LRRTM4: variants seen among roughly 807,000 people sequenced by gnomAD.
LRRTM4 encodes leucine-rich repeat transmembrane neuronal protein 4.
LRRTM4 carries 25 observed loss-of-function variants against 47.6 expected under a neutral mutation model. That is an observed-to-expected ratio of 0.53 (90% CI 0.38 to 0.73). The LOEUF is 0.73. Among genes scored for constraint, LRRTM4 ranks in the 30% least tolerant of loss-of-function variants. The pLI is 0.00. For missense variants in LRRTM4, 638 were observed against 713.4 expected, an observed-to-expected ratio of 0.89 and a Z score of 1.20; for synonymous variants, 311 against 269.5, an observed-to-expected ratio of 1.15 and a Z score of -1.51.
intron 3 of LRRTM4, among the ~76,000 whole-genome samples, chr2:76,907,592 C>A (rs1269896585): frequency 3.6e-5 from 5 of 139,678 alleles, no homozygotes; most frequent in Non-Finnish European, 7.6e-5. Flanking sequence ...TGATAGACCA[C>A]TAGCAAGACT....
At chr2:77,211,982 A>C (rs2103924454) in intron 3 of LRRTM4, among the ~76,000 whole-genome samples, 1 of 152,230 alleles carries the variant, frequency 6.6e-6, no homozygotes, top group Non-Finnish European at 1.5e-5. Context: ...AAAAACAATG[A>C]GTAATATGTG....
intron 3 of LRRTM4, among the ~76,000 whole-genome samples, chr2:77,150,128 G>C (rs901223142): frequency 6.6e-6 from 1 of 151,600 alleles, no homozygotes; most frequent in African/African-American, 2.4e-5. Flanking sequence ...GCAGAGGTCG[G>C]TTGTTAGGTT....
In LRRTM4 at chr2:77,085,533, A is replaced by G. The variant is rs554195625; in HGVS notation, c.1552-336617T>C. Among the ~76,000 whole-genome samples, 87 of 152,214 alleles carry G rather than the reference A, an allele frequency of 5.7e-4. 1 individual carries two copies. Among genetic ancestry groups the G allele is most frequent in the African/African-American group, 2.0e-3 (85 of 41,570 alleles). ...CCTATTCTCTTTAAAACATGGAATC[A>G]CGTATTAAGAAGAGCAATGTGGCTT... On this transcript the variant is annotated intron_variant, in intron 3 of 3. Coordinates refer to ENST00000409884, the MANE Select transcript of LRRTM4 (RefSeq NM_001134745.3).
At chr2:76,974,177 TATATACATAC>T (rs1558771498) in intron 3 of LRRTM4, among the ~76,000 whole-genome samples, 2 of 137,582 alleles carry the variant, frequency 1.5e-5, no homozygotes, top group Admixed American at 1.5e-4. Context: ...TACATACATA[TATATACATAC>T]ATATATATAC....
At chr2:77,003,448 G>T (rs1186564510) in intron 3 of LRRTM4, among the ~76,000 whole-genome samples, 2 of 152,046 alleles carry the variant, frequency 1.3e-5, no homozygotes, top group South Asian at 2.1e-4. Context: ...ATGCAGATGG[G>T]TTTTTTCTCA....
chr2:77,346,765 A>C (rs1444340985), intron 3 of LRRTM4, among the ~76,000 whole-genome samples: 1 of 152,122 alleles, frequency 6.6e-6, no homozygotes, highest in Non-Finnish European at 1.5e-5. Flanking sequence ...ATAATATAAG[A>C]AGCCCTTGAA....
At chr2:77,329,895 G>T (rs1670906231) in intron 3 of LRRTM4, among the ~76,000 whole-genome samples, 2 of 152,186 alleles carry the variant, frequency 1.3e-5, no homozygotes, top group Non-Finnish European at 2.9e-5. Flanking sequence ...TACAGGGGTA[G>T]ACAAGAGTCC....
At chr2:77,014,516 A>G (rs1677988082) in intron 3 of LRRTM4, among the ~76,000 whole-genome samples, 1 of 150,956 alleles carries the variant, frequency 6.6e-6, no homozygotes, top group African/African-American at 2.4e-5. Context: ...ATATATATAT[A>G]TAAAGATTTT....
intron 3 of LRRTM4, among the ~76,000 whole-genome samples, chr2:76,951,947 C>T (rs1675512304): frequency 6.6e-6 from 1 of 151,932 alleles, no homozygotes; most frequent in Non-Finnish European, 1.5e-5. Flanking sequence ...CATGTCCTTG[C>T]AAAGGACATG....
At chr2:77,436,201 A>G (rs1343109419) in intron 3 of LRRTM4, among the ~76,000 whole-genome samples, 1 of 152,156 alleles carries the variant, frequency 6.6e-6, no homozygotes, top group South Asian at 2.1e-4. Context: ...AAAATGCCCA[A>G]AGCAATGACT....
chr2:76,841,188 C>T (rs1671665388), intron 3 of LRRTM4, among the ~76,000 whole-genome samples: 1 of 151,340 alleles, frequency 6.6e-6, no homozygotes, highest in Admixed American at 6.6e-5. Flanking sequence ...AAAAACCAAA[C>T]ACTGCATGTT....
chr2:76,903,708 G>C (rs1043795022), intron 3 of LRRTM4, among the ~76,000 whole-genome samples: 2 of 152,064 alleles, frequency 1.3e-5, no homozygotes, highest in Non-Finnish European at 2.9e-5. Flanking sequence ...AAATCAAAAG[G>C]AGAAACATCT....
intron 3 of LRRTM4, among the ~76,000 whole-genome samples, chr2:77,442,880 G>A (rs1675900418): frequency 1.3e-5 from 2 of 152,162 alleles, no homozygotes; most frequent in Non-Finnish European, 2.9e-5. Context: ...AACTCCAATG[G>A]AGAGGATATG....
rs199797071 is a variant in LRRTM4, at chr2:76,960,638, CA to C, written c.1552-211723del. On this transcript the variant is annotated intron_variant, in intron 3 of 3. Coordinates refer to ENST00000409884, the MANE Select transcript of LRRTM4 (RefSeq NM_001134745.3). Reference sequence around the variant, plus strand: ...TATTTTCAATATCACAGTCATTCAACAATAATTTCCTGAAGATTAAGATGGT... The same window carrying C: ...TATTTTCAATATCACAGTCATTCAACATAATTTCCTGAAGATTAAGATGGT... 1.5e-3 allele frequency among the ~76,000 whole-genome samples: 209 copies of C among 143,514 alleles called. 5 individuals carry two copies. The East Asian group carries it at 0.035, about 24-fold the overall frequency. 94.2% of individuals were successfully genotyped at this position (143,514 alleles called of 152,430 possible).
intron 3 of LRRTM4, among the ~76,000 whole-genome samples, chr2:76,905,095 C>T (rs112542378): frequency 0.14 from 21,955 of 152,054 alleles, 2,014 homozygotes; most frequent in Admixed American, 0.22. Flanking sequence ...CTAGGAGGCA[C>T]CCCCCAGTAG....
intron 3 of LRRTM4, among the ~76,000 whole-genome samples, chr2:76,899,324 C>T (rs1673538213): frequency 9.6e-6 from 1 of 104,652 alleles, no homozygotes; most frequent in Admixed American, 1.1e-4. Context: ...CACACACACA[C>T]ACACACACAC....
At chr2:77,346,181 T>C (rs1573288779) in intron 3 of LRRTM4, among the ~76,000 whole-genome samples, 1 of 152,120 alleles carries the variant, frequency 6.6e-6, no homozygotes, top group Non-Finnish European at 1.5e-5. Context: ...AAGAACAGAT[T>C]AGTACTTTGC....
intron 3 of LRRTM4, among the ~76,000 whole-genome samples, chr2:76,943,870 C>T (rs1053140409): frequency 1.3e-5 from 2 of 152,150 alleles, no homozygotes; most frequent in African/African-American, 4.8e-5. Flanking sequence ...ACCAAAAGTT[C>T]CACATATTCT....
At chr2:77,175,127 T>C (rs1016580729) in intron 3 of LRRTM4, among the ~76,000 whole-genome samples, 5 of 150,420 alleles carry the variant, frequency 3.3e-5, no homozygotes, top group Non-Finnish European at 5.9e-5. Flanking sequence ...TGGAGTACAG[T>C]GACCCTATCT....
Sources: gnomAD v4.1 joint callset for allele counts (sites outside exome capture counted in the v4.1 genomes callset) on GRCh38, gnomAD v4.1.1 for gene constraint, MANE v1.5 for transcripts, NCBI Gene and HGNC (gene_info 2026-07-23, HGNC 2026-07-21) for gene names.